The following TNRC18 variants were observed in gnomAD, a reference collection of about 807,000 sequenced individuals.
TNRC18 encodes trinucleotide repeat-containing gene 18 protein.
A neutral mutation model predicts 226.7 loss-of-function variants in TNRC18; 69 were observed. The ratio of observed to expected loss-of-function variants is 0.30; its 90% CI spans 0.25 to 0.37. TNRC18 has a LOEUF of 0.37. TNRC18 is among the 10% of genes least tolerant of loss of function. TNRC18 has a pLI of 1.00. For missense variants in TNRC18, 4,754 were observed against 4,256.6 expected, an observed-to-expected ratio of 1.12 and a Z score of -3.25; for synonymous variants, 2,449 against 1,927.6, an observed-to-expected ratio of 1.27 and a Z score of -7.09.
In TNRC18 at chr7:5,307,281, T is replaced by TTA. The variant is rs574295640; in HGVS notation, c.*823_*824dup. 1.3e-5 allele frequency: 2 copies of TTA among 149,926 alleles called. No homozygotes were observed. Among genetic ancestry groups the TTA allele is most frequent in the East Asian group, 3.9e-4 (2 of 5,170 alleles). The allele number at this position is 149,926 out of a possible 1,614,324, so 9.3% of individuals were successfully genotyped here. On this transcript the variant is annotated 3_prime_UTR_variant, in exon 30 of 30. Coordinates refer to ENST00000430969, the MANE Select transcript of TNRC18 (RefSeq NM_001080495.3). The stretch of plus-strand genomic sequence containing the variant: ...TATATATATTTATATATATTTATCT[T>TTA]TATATATATAATTAAAAAGTTGACT...
At chr7:5,406,470 A>AT (rs893535397) in intron 2 of TNRC18, among the ~76,000 whole-genome samples, 1 of 150,580 alleles carries the variant, frequency 6.6e-6, no homozygotes, top group African/African-American at 2.4e-5. Flanking sequence ...TCAAAAAAAA[A>AT]TTTTTTTTTA....
In TNRC18 at chr7:5,377,617, C is replaced by T. The variant is rs1489050683; in HGVS notation, c.2256-41G>A. ...TAGGTGTCAGCGACAGCTCGGACAG[C>T]CCAGGGGACGAGAGGGAGAAGCGGG... On this transcript the variant is annotated intron_variant, in intron 6 of 29. Transcript: ENST00000430969. The surrounding 1 kb of genome is among the most constrained non-coding windows in gnomAD (Gnocchi z 5.8). 2 of 1,533,160 alleles carry T rather than the reference C, an allele frequency of 1.3e-6. No homozygotes were observed. The highest frequency in any genetic ancestry group is 1.8e-6 in the Non-Finnish European group (2 of 1,132,414). The allele number at this position is 1,533,160 out of a possible 1,614,324, so 95.0% of individuals were successfully genotyped here. A position where few individuals can be genotyped will look rare whatever the true frequency, so the allele number is the denominator to read the frequency against.
rs139552678 is a variant in TNRC18, at chr7:5,420,887, C to CGCCGGGGCCGCCGGAGTG, written c.187+172_187+173insCACTCCGGCGGCCCCGGC. ...AGCCGAGCCGCGCGACACTCTCCAC[C>CGCCGGGGCCGCCGGAGTG]GCCTTGGCTCCGGGACCAGGAGTTT... On this transcript the variant is annotated intron_variant, in intron 2 of 29. Transcript: ENST00000430969. 4.8e-6 allele frequency: 4 copies of CGCCGGGGCCGCCGGAGTG among 838,888 alleles called. No homozygotes were observed. In the South Asian group the frequency reaches 5.8e-5, roughly 12 times the overall value. 52.0% of individuals were successfully genotyped at this position (838,888 alleles called of 1,614,324 possible).
chr7:5,359,001 G>A (rs1792750152), intron 15 of TNRC18, among the ~76,000 whole-genome samples: 1 of 152,192 alleles, frequency 6.6e-6, no homozygotes, highest in Non-Finnish European at 1.5e-5. Flanking sequence ...AAATTACCAT[G>A]GCACCAAGCC....
At chr7:5,420,221 T>C (rs779265050) in intron 2 of TNRC18, 5 of 350,396 alleles carry the variant, frequency 1.4e-5, no homozygotes, top group South Asian at 6.2e-5. Context: ...TCTCGGGAAA[T>C]GGTGGAGGCC....
chr7:5,386,058 G>C (rs1016510000), intron 5 of TNRC18, among the ~76,000 whole-genome samples: 1 of 151,156 alleles, frequency 6.6e-6, no homozygotes, highest in African/African-American at 2.4e-5. Flanking sequence ...AGGCCGAGGC[G>C]GGTGGATCAC....
In TNRC18 at chr7:5,352,036, G is replaced by A. The variant is rs574639732; in HGVS notation, c.5253C>T (p.Pro1751=). 42 of 1,613,886 alleles carry A rather than the reference G, an allele frequency of 2.6e-5. No homozygotes were observed. The South Asian group carries it at 4.1e-4, about 16-fold the overall frequency. Residue 1751 remains proline (P), a synonymous_variant, in exon 17 of 30, where the codon CCC becomes CCT. Coordinates refer to ENST00000430969, the MANE Select transcript of TNRC18 (RefSeq NM_001080495.3). ...GGGAAGGCGTCAGTTTGGAGCTGGA[G>A]GGGCCTTGGGCGGGCCACTCGTCCT... ...FLKDEWPAQG[P]SSSKLTPSLL...
In TNRC18 at chr7:5,315,145, G is replaced by C; in HGVS notation, c.6866C>G (p.Ala2289Gly). The change falls in exon 26 of 30, where the codon GCT becomes GGT. Residue 2289 changes from alanine (A) to glycine (G), a missense_variant. Ala to Gly is a moderately conservative substitution (Grantham distance 60, BLOSUM62 0). Coordinates refer to ENST00000430969, the MANE Select transcript of TNRC18 (RefSeq NM_001080495.3). The part of the protein sequence containing the change: ...LLPPDYKIQC[A>G]EPSPALLVPS... ...CACCAGAAGGGCCGGGGACGGCTCA[G>C]CACCTGTGGGGCAGAGGACAGAGTG... The C allele has an allele frequency of 6.2e-7, 1 of 1,611,614 alleles. No homozygotes were observed. The highest frequency in any genetic ancestry group is 8.5e-7 in the Non-Finnish European group (1 of 1,179,350).
intron 18 of TNRC18, among the ~76,000 whole-genome samples, chr7:5,339,229 C>CTTTTTTTTTTTTT (rs199794938): frequency 2.1e-5 from 3 of 142,602 alleles, no homozygotes; most frequent in Admixed American, 7.0e-5. Flanking sequence ...CTTTTTTTTT[C>CTTTTTTTTTTTTT]TTTTTTTTTT....
At chr7:5,310,229 T>G (rs967995622) in intron 27 of TNRC18, among the ~76,000 whole-genome samples, 1 of 151,954 alleles carries the variant, frequency 6.6e-6, no homozygotes, top group African/African-American at 2.4e-5. Flanking sequence ...AAATAGTTAT[T>G]ATTATTATTA....
intron 27 of TNRC18, among the ~76,000 whole-genome samples, chr7:5,310,092 G>C (rs1232912665): frequency 6.6e-6 from 1 of 150,914 alleles, no homozygotes; most frequent in Non-Finnish European, 1.5e-5. Flanking sequence ...TGTAGAGATG[G>C]GGGTCTCACT....
At chr7:5,323,607 G>C (rs1205133372) in intron 21 of TNRC18, among the ~76,000 whole-genome samples, 1 of 125,916 alleles carries the variant, frequency 7.9e-6, no homozygotes, top group African/African-American at 3.0e-5. Context: ...TCTTTGCCCA[G>C]GCTGGAGTGC....
chr7:5,356,286 G>A (rs1174690538), intron 16 of TNRC18, among the ~76,000 whole-genome samples: 3 of 152,034 alleles, frequency 2.0e-5, no homozygotes, highest in South Asian at 4.1e-4. Flanking sequence ...CCGCACCCGA[G>A]CGCACACACT....
intron 2 of TNRC18, among the ~76,000 whole-genome samples, chr7:5,396,170 CAA>C (rs1279583174): frequency 0.014 from 716 of 52,314 alleles, 20 homozygotes; most frequent in African/African-American, 0.042. Context: ...GACTCTGTCT[CAA>C]AAAAAAAAAA....
At chr7:5,415,616 G>C (rs1362141866) in intron 2 of TNRC18, among the ~76,000 whole-genome samples, 1 of 150,492 alleles carries the variant, frequency 6.6e-6, no homozygotes, top group Admixed American at 6.6e-5. Context: ...CCTGACCTCA[G>C]GTGATCAGCC....
intron 8 of TNRC18, among the ~76,000 whole-genome samples, chr7:5,376,501 C>T (rs746609274): frequency 3.9e-5 from 6 of 152,200 alleles, no homozygotes; most frequent in Non-Finnish European, 7.4e-5. Flanking sequence ...CAGACACGTA[C>T]GAGGACCACT....
rs1045451957 is a variant in TNRC18, at chr7:5,364,831, A to C, written c.4220-2006T>G. The stretch of plus-strand genomic sequence containing the variant: ...AAAAAAAAAAAAAAAAAAAGATCTC[A>C]ATCAGTACATACTGTATCACATTTT... On this transcript the variant is annotated intron_variant, in intron 11 of 29. Transcript: ENST00000430969. Among the ~76,000 whole-genome samples, 4 of 150,734 alleles carry C rather than the reference A, an allele frequency of 2.7e-5. No individual in the cohort carries two copies. The East Asian group carries it at 7.8e-4, about 29-fold the overall frequency.
rs375469330 is a variant in TNRC18 at position 5,316,056 on chromosome 7, C to T, written c.6762G>A (p.Glu2254=). The T allele has an allele frequency of 2.5e-5, 41 of 1,610,998 alleles. No individual in the cohort carries two copies. The highest frequency in any genetic ancestry group is 3.1e-5 in the Non-Finnish European group (37 of 1,178,620). The change falls in exon 25 of 30, where the codon GAG becomes GAA. Residue 2254 remains glutamate (E), a synonymous_variant. Coordinates refer to ENST00000430969, the MANE Select transcript of TNRC18 (RefSeq NM_001080495.3). ...CCACGGTGATCAAGTCCCCATCGTC[C>T]TCCAGGTCCAGTAACCCTGTGGGAA... The part of the protein sequence containing the change: ...GTVVRGLLDL[E]DDGDLITVEF...
At chr7:5,344,495 C>T (rs1790975566) in intron 18 of TNRC18, among the ~76,000 whole-genome samples, 1 of 152,110 alleles carries the variant, frequency 6.6e-6, no homozygotes, top group African/African-American at 2.4e-5. Context: ...GGGTCTGGAG[C>T]CTGGCGTGGG....
Sources: gnomAD v4.1 joint callset for allele counts (sites outside exome capture counted in the v4.1 genomes callset) on GRCh38, gnomAD v4.1.1 for gene constraint, Gnocchi (gnomAD v3.1) non-coding constraint, MANE v1.5 for transcripts, NCBI Gene and HGNC (gene_info 2026-07-23, HGNC 2026-07-21) for gene names.